The following TMEM132C variants were observed in gnomAD, a reference collection of about 807,000 sequenced individuals.
The protein encoded by TMEM132C is transmembrane protein 132C.
In TMEM132C, 29 loss-of-function variants were observed where a neutral mutation model predicts 61.4. The observed-to-expected ratio is 0.47, with a 90% CI of 0.35 to 0.64. The LOEUF is 0.64. TMEM132C is among the 30% of genes least tolerant of loss of function. The pLI, the probability that TMEM132C is intolerant of heterozygous loss-of-function variation, is 0.00. For missense variants in TMEM132C, 1,408 were observed against 1,476.9 expected (o/e 0.95, Z 0.76); for synonymous variants, 656 against 633.1 (o/e 1.04, Z -0.54).
chr12:128,289,228 A>G (rs1218192948), intron 1 of TMEM132C, among the ~76,000 whole-genome samples: 1 of 152,148 alleles, frequency 6.6e-6, no homozygotes, highest in Middle Eastern at 3.2e-3. Flanking sequence ...ATGCACCTAT[A>G]CACACCCTCT....
chr12:128,674,085 G>A (rs1391096928), intron 5 of TMEM132C, among the ~76,000 whole-genome samples: 4 of 152,184 alleles, frequency 2.6e-5, no homozygotes, highest in Non-Finnish European at 4.4e-5. Flanking sequence ...ACCATGATCC[G>A]ATTTTATAAC....
intron 1 of TMEM132C, among the ~76,000 whole-genome samples, chr12:128,376,299 A>G (rs1335896383): frequency 6.6e-6 from 1 of 152,236 alleles, no homozygotes; most frequent in Non-Finnish European, 1.5e-5. Flanking sequence ...CTCAGGGTCC[A>G]AATTTTGAAA....
intron 2 of TMEM132C, among the ~76,000 whole-genome samples, chr12:128,452,938 G>T (rs1296817550): frequency 3.3e-5 from 5 of 152,148 alleles, no homozygotes; most frequent in African/African-American, 1.2e-4. Flanking sequence ...AAATGTGTAA[G>T]TTAGAAAGGC....
intron 3 of TMEM132C, among the ~76,000 whole-genome samples, chr12:128,563,214 G>A (rs1037010187): frequency 1.3e-5 from 2 of 152,234 alleles, no homozygotes; most frequent in African/African-American, 4.8e-5. Flanking sequence ...TCAAATTCAA[G>A]TACAAATCTG....
At chr12:128,554,891 G>A (rs1874283180) in intron 3 of TMEM132C, among the ~76,000 whole-genome samples, 1 of 152,144 alleles carries the variant, frequency 6.6e-6, no homozygotes, top group Admixed American at 6.5e-5. Context: ...TGCTCCTCTT[G>A]TGACCCAGCT....
intron 1 of TMEM132C, among the ~76,000 whole-genome samples, chr12:128,285,905 T>C (rs1263904632): frequency 1.5e-3 from 21 of 13,870 alleles, no homozygotes; most frequent in Admixed American, 2.6e-3. Flanking sequence ...CTTTCTCTCT[T>C]TCTCTCTCTC....
At position 128,337,212 on chromosome 12, in the gene TMEM132C, G is replaced by A. The variant is rs1872812989; in HGVS notation, c.85+69725G>A. On this transcript the variant is annotated intron_variant, in intron 1 of 8. Coordinates refer to ENST00000435159, the MANE Select transcript of TMEM132C (RefSeq NM_001136103.3). ...AGCATGTTCTTTCATTACTACAGCT[G>A]TTTCTGCAACATTTTGCCTGAAGAT... is the stretch of plus-strand genomic sequence containing the variant. Among the ~76,000 whole-genome samples, 3 of 151,784 alleles carry A rather than the reference G, an allele frequency of 2.0e-5. No individual in the cohort carries two copies. The South Asian group carries it at 6.2e-4, about 32-fold the overall frequency.
chr12:128,493,464 G>T (rs1871823623), intron 2 of TMEM132C, among the ~76,000 whole-genome samples: 1 of 152,180 alleles, frequency 6.6e-6, no homozygotes, highest in South Asian at 2.1e-4. Flanking sequence ...TCACAGTATT[G>T]ATTCTTCCTA....
At chr12:128,523,156 G>A (rs897520187) in intron 2 of TMEM132C, among the ~76,000 whole-genome samples, 7 of 152,198 alleles carry the variant, frequency 4.6e-5, no homozygotes, top group Non-Finnish European at 8.8e-5. Context: ...AAGACAGTCA[G>A]TCACACAAGA....
intron 1 of TMEM132C, among the ~76,000 whole-genome samples, chr12:128,282,662 A>G (rs1870935319): frequency 6.6e-6 from 1 of 152,218 alleles, no homozygotes; most frequent in African/African-American, 2.4e-5. Context: ...TATTGTCCCA[A>G]TAATTCACAG....
Position 128,669,539 on chromosome 12 carries a change from C to G in TMEM132C, c.1428C>G (p.Ser476=). The G allele has an allele frequency of 6.4e-7, 1 of 1,551,560 alleles. No individual in the cohort carries two copies. Among genetic ancestry groups the G allele is most frequent in the Non-Finnish European group, 8.7e-7 (1 of 1,146,934 alleles). ...MDISESVECK[S]TDEDVIKVSE... is the part of the protein sequence containing the mutation. ...TCTCAGAGTCGGTGGAGTGCAAGTC[C>G]ACAGACGAGGACGTTATCAAAGTAA... is the stretch of plus-strand genomic sequence containing the variant. The change falls in exon 5 of 9, where the codon TCC becomes TCG. Residue 476 remains serine (S), a synonymous_variant. Coordinates refer to ENST00000435159, the MANE Select transcript of TMEM132C (RefSeq NM_001136103.3).
rs573929406 is a variant in TMEM132C at position 128,605,130 on chromosome 12, GATAGATAC to G, written c.1122-10998_1122-10991del. On this transcript the variant is annotated intron_variant, in intron 3 of 8. Coordinates refer to ENST00000435159, the MANE Select transcript of TMEM132C (RefSeq NM_001136103.3). ...CAGATAAATGATAGATAGATAGATA[GATAGATAC>G]ATAGATACATAGATACATAGATAAT... 7.9e-3 allele frequency among the ~76,000 whole-genome samples: 1,187 copies of G among 149,738 alleles called. 8 individuals are homozygous for G. The highest frequency in any genetic ancestry group is 0.017 in the Middle Eastern group (5 of 294).
At chr12:128,283,278 A>G (rs934144925) in intron 1 of TMEM132C, among the ~76,000 whole-genome samples, 6 of 152,110 alleles carry the variant, frequency 3.9e-5, no homozygotes, top group Admixed American at 3.3e-4. Context: ...GCACTGCCCT[A>G]CTTTCTGGAT....
At chr12:128,271,266 A>ATAT (rs1491476484) in intron 1 of TMEM132C, among the ~76,000 whole-genome samples, 1 of 85,912 alleles carries the variant, frequency 1.2e-5, no homozygotes, top group Non-Finnish European at 2.2e-5. Flanking sequence ...AATAATAATA[A>ATAT]TATAATAATA....
At chr12:128,547,640 A>T (rs1874005132) in intron 3 of TMEM132C, among the ~76,000 whole-genome samples, 1 of 152,094 alleles carries the variant, frequency 6.6e-6, no homozygotes, top group Admixed American at 6.5e-5. Context: ...GAGATGTGGA[A>T]GCTGCAACTG....
intron 3 of TMEM132C, among the ~76,000 whole-genome samples, chr12:128,589,924 T>C (rs946545992): frequency 3.3e-5 from 5 of 152,336 alleles, no homozygotes; most frequent in Admixed American, 2.0e-4. Flanking sequence ...ATCACTCTTA[T>C]TCATCATCAT....
chr12:128,439,211 T>A (rs1039853593), intron 2 of TMEM132C: 1 of 158,550 alleles, frequency 6.3e-6, no homozygotes, highest in Non-Finnish European at 1.4e-5. Flanking sequence ...CATCTTTACC[T>A]TGAAGCATCT....
chr12:128,321,138 AAATAATAATAATAATAATAATAAT>A (rs58166037), intron 1 of TMEM132C, among the ~76,000 whole-genome samples: 1 of 143,776 alleles, frequency 7.0e-6, no homozygotes, highest in African/African-American at 2.6e-5. Context: ...CATTTTTGAA[AAATAATAATAATAATAATAATAAT>A]AATAATAATA....
chr12:128,284,301 A>C (rs1468149106), intron 1 of TMEM132C, among the ~76,000 whole-genome samples: 1 of 152,246 alleles, frequency 6.6e-6, no homozygotes, highest in African/African-American at 2.4e-5. Context: ...CTCTGGGAGG[A>C]CCATCATTTG....
Sources: gnomAD v4.1 joint callset for allele counts (sites outside exome capture counted in the v4.1 genomes callset) on GRCh38, gnomAD v4.1.1 for gene constraint, MANE v1.5 for transcripts, NCBI Gene and HGNC (gene_info 2026-07-23, HGNC 2026-07-21) for gene names.